The following ANTXR2 variants were observed in gnomAD, a reference collection of about 807,000 sequenced individuals.
The protein encoded by ANTXR2 is ANTXR cell adhesion molecule 2.
In ANTXR2, 44 loss-of-function variants were observed where a neutral mutation model predicts 73.7. The observed-to-expected ratio is 0.60, with a 90% CI of 0.47 to 0.77. The LOEUF (loss-of-function observed/expected upper bound fraction) is 0.77, where lower values mean the gene tolerates loss of function less well. ANTXR2 is among the 30% of genes least tolerant of loss of function. The probability of loss-of-function intolerance (pLI) is 0.00; values close to 1 mark genes in which losing one functional copy is unlikely to be tolerated. For synonymous variants in ANTXR2, 217 were observed against 205.9 expected (o/e 1.05, Z -0.46); for missense variants, 604 against 592.5 (o/e 1.02, Z -0.20).
In ANTXR2 at chr4:79,959,985, C is replaced by G. The variant is rs953535618; in HGVS notation, c.1428+17636G>C. 2.0e-5 allele frequency among the ~76,000 whole-genome samples: 3 copies of G among 152,152 alleles called. No homozygotes were observed. The East Asian group carries it at 5.8e-4, about 29-fold the overall frequency. The stretch of plus-strand genomic sequence containing the variant: ...ATAATGGGAGAGTAATCCCTCTTTA[C>G]TCCAGAAATTTATCTGTATGCTACG... On this transcript the variant is annotated intron_variant, in intron 16 of 16. Transcript: ENST00000403729.
chr4:79,963,882 C>CA (rs1170660947), intron 16 of ANTXR2, among the ~76,000 whole-genome samples: 4 of 151,914 alleles, frequency 2.6e-5, no homozygotes, highest in Non-Finnish European at 5.9e-5. Flanking sequence ...GAGAACCGCC[C>CA]AAAAAGAAAA....
intron 7 of ANTXR2, among the ~76,000 whole-genome samples, chr4:80,039,188 A>C (rs1011788937): frequency 6.6e-6 from 1 of 152,094 alleles, no homozygotes; most frequent in Non-Finnish European, 1.5e-5. Flanking sequence ...AATTTGAAAC[A>C]AACTTCACCA....
chr4:79,944,201 T>G (rs1440506967), intron 16 of ANTXR2, among the ~76,000 whole-genome samples: 2 of 68,700 alleles, frequency 2.9e-5, no homozygotes, highest in African/African-American at 5.1e-5. Flanking sequence ...AGAATTCAAG[T>G]CTATTAAATG....
At chr4:79,937,992 C>A (rs1405578860) in intron 16 of ANTXR2, among the ~76,000 whole-genome samples, 1 of 102,768 alleles carries the variant, frequency 9.7e-6, no homozygotes, top group Non-Finnish European at 2.0e-5. Context: ...CGGGTCACTC[C>A]CACCCGAATA....
chr4:79,961,903 C>T (rs961177893), intron 16 of ANTXR2, among the ~76,000 whole-genome samples: 3 of 152,006 alleles, frequency 2.0e-5, no homozygotes, highest in African/African-American at 7.3e-5. Context: ...TTTATCTAAA[C>T]TTGGAAATTA....
At chr4:79,975,257 C>T (rs10023688) in intron 16 of ANTXR2, among the ~76,000 whole-genome samples, 98,474 of 152,028 alleles carry the variant, frequency 0.65, 34,597 homozygotes, top group East Asian at 0.96. Context: ...CTAATCTTTA[C>T]TTTCCTATGC....
In ANTXR2 at chr4:79,960,555, A is replaced by G. The variant is rs144318523; in HGVS notation, c.1428+17066T>C. On this transcript the variant is annotated intron_variant, in intron 16 of 16. Transcript: ENST00000403729. ...AAACTTGTAATTATTTGAAACTAAG[A>G]AAGTGTTAACCCAAAGCCAGAAAAA... Among the ~76,000 whole-genome samples the G allele has an allele frequency of 7.4e-4, 112 of 152,202 alleles. No individual in the cohort carries two copies. In the East Asian group the frequency reaches 0.018, roughly 25 times the overall value.
At chr4:79,931,775 G>A (rs1728068478) in intron 16 of ANTXR2, among the ~76,000 whole-genome samples, 1 of 152,122 alleles carries the variant, frequency 6.6e-6, no homozygotes. Flanking sequence ...TGCCACAAAT[G>A]CATTAATTTA....
intron 16 of ANTXR2, among the ~76,000 whole-genome samples, chr4:79,957,759 T>C (rs1240179815): frequency 6.6e-6 from 1 of 152,066 alleles, no homozygotes; most frequent in Non-Finnish European, 1.5e-5. Context: ...ATATGGTTAG[T>C]TGCAATTTCA....
intron 8 of ANTXR2, among the ~76,000 whole-genome samples, chr4:80,034,122 T>C (rs1732843596): frequency 6.6e-6 from 1 of 152,076 alleles, no homozygotes; most frequent in Non-Finnish European, 1.5e-5. Flanking sequence ...CTATAAATAA[T>C]CAAAAGATCA....
At chr4:79,985,376 GA>G (rs553947316) in intron 12 of ANTXR2, among the ~76,000 whole-genome samples, 1 of 150,796 alleles carries the variant, frequency 6.6e-6, no homozygotes, top group Non-Finnish European at 1.5e-5. Context: ...GAAAAAGAAA[GA>G]AAAAAAAGAA....
rs147021913 is a variant in ANTXR2 at position 79,987,857 on chromosome 4, T to C, written c.1042-2994A>G. Among the ~76,000 whole-genome samples the C allele has an allele frequency of 1.0e-3, 154 of 152,178 alleles. 2 individuals carry two copies. The East Asian group carries it at 0.026, about 26-fold the overall frequency. ...AGAAACTTCAACCAAGAATTTCATATCCAACCAAACTAAGCTTCATAAGTG... is the reference window on the plus strand; with the variant it reads ...AGAAACTTCAACCAAGAATTTCATACCCAACCAAACTAAGCTTCATAAGTG... On this transcript the variant is annotated intron_variant, in intron 12 of 16. Transcript: ENST00000403729.
chr4:79,933,859 G>A (rs1173929485), intron 16 of ANTXR2, among the ~76,000 whole-genome samples: 2 of 150,268 alleles, frequency 1.3e-5, no homozygotes, highest in Non-Finnish European at 3.0e-5. Context: ...CTCAGCCTTC[G>A]GAATAGCTGG....
intron 16 of ANTXR2, among the ~76,000 whole-genome samples, chr4:79,933,928 T>C (rs1453929053): frequency 2.0e-5 from 3 of 151,734 alleles, no homozygotes; most frequent in Non-Finnish European, 4.4e-5. Context: ...TTAGTAGAGA[T>C]GGGGTTTCGC....
At chr4:80,069,653 C>G in intron 2 of ANTXR2, 146 bp from the exon 3 acceptor site, 2 of 637,494 alleles carry the variant, frequency 3.1e-6, no homozygotes, top group Non-Finnish European at 2.7e-6. Context: ...AGTAAATAGA[C>G]GAACTCTGCT....
intron 11 of ANTXR2, among the ~76,000 whole-genome samples, chr4:80,013,255 A>G (rs1731684864): frequency 1.3e-5 from 2 of 152,354 alleles, no homozygotes; most frequent in South Asian, 2.1e-4. Context: ...TAAACTAGAT[A>G]TATGGTTACT....
intron 16 of ANTXR2, among the ~76,000 whole-genome samples, chr4:79,909,635 A>G (rs1211295008): frequency 1.3e-5 from 2 of 151,132 alleles, no homozygotes; most frequent in African/African-American, 4.9e-5. Context: ...ATGTCTCTAG[A>G]TATAAGCACC....
intron 12 of ANTXR2, among the ~76,000 whole-genome samples, chr4:79,985,786 C>G (rs1730118072): frequency 6.6e-6 from 1 of 150,446 alleles, no homozygotes; most frequent in African/African-American, 2.5e-5. Flanking sequence ...AGCTTCTTAG[C>G]CAAGACCCCT....
chr4:79,994,714 T>C (rs1287483906), intron 12 of ANTXR2, among the ~76,000 whole-genome samples: 1 of 152,006 alleles, frequency 6.6e-6, no homozygotes, highest in East Asian at 1.9e-4. Flanking sequence ...AAATTGAATT[T>C]CAATTTAAAA....
Sources: gnomAD v4.1 joint callset for allele counts (sites outside exome capture counted in the v4.1 genomes callset) on GRCh38, gnomAD v4.1.1 for gene constraint, MANE v1.5 for transcripts, NCBI Gene and HGNC (gene_info 2026-07-23, HGNC 2026-07-21) for gene names.